Variants in KIAA2012 observed in about 807,000 individuals in gnomAD.
KIAA2012 encodes the protein uncharacterized protein KIAA2012.
In KIAA2012, 125 loss-of-function variants were observed where a neutral mutation model predicts 150.6. The observed-to-expected ratio is 0.83, with a 90% CI of 0.72 to 0.96. The LOEUF is 0.96. Among genes scored for constraint, KIAA2012 ranks in the 40% least tolerant of loss-of-function variants. KIAA2012 has a pLI of 0.00. For missense variants in KIAA2012, 1,219 were observed against 1,354.9 expected (o/e 0.90, Z 1.57); for synonymous variants, 462 against 504.7 (o/e 0.92, Z 1.13).
chr2:202,082,119 T>C (rs1001735122), intron 2 of KIAA2012, among the ~76,000 whole-genome samples: 10 of 152,238 alleles, frequency 6.6e-5, no homozygotes, highest in African/African-American at 2.4e-4. Context: ...TTGTATATCT[T>C]TTCTAAAGAA....
intron 15 of KIAA2012, among the ~76,000 whole-genome samples, chr2:202,182,525 T>C (rs1331037654): frequency 1.3e-5 from 2 of 152,222 alleles, no homozygotes; most frequent in Admixed American, 1.3e-4. Context: ...AGTTGTATTG[T>C]ATTGTATATA....
At chr2:202,140,450 G>A (rs556178647) in intron 13 of KIAA2012, among the ~76,000 whole-genome samples, 5 of 152,160 alleles carry the variant, frequency 3.3e-5, no homozygotes, top group African/African-American at 9.6e-5. Flanking sequence ...TGTCCAAGTC[G>A]CAGTAGTCCC....
intron 13 of KIAA2012, among the ~76,000 whole-genome samples, chr2:202,150,448 G>GT (rs1691400910): frequency 1.4e-5 from 2 of 138,624 alleles, no homozygotes; most frequent in African/African-American, 4.9e-5. Context: ...TTTGTTTTTT[G>GT]TTTTTTGTGT....
intron 12 of KIAA2012, among the ~76,000 whole-genome samples, chr2:202,128,939 A>G (rs960171926): frequency 6.6e-6 from 1 of 152,040 alleles, no homozygotes; most frequent in Non-Finnish European, 1.5e-5. Context: ...ACTACTTTGA[A>G]AGTATCTGGG....
intron 13 of KIAA2012, among the ~76,000 whole-genome samples, chr2:202,153,524 A>G (rs1691469150): frequency 1.3e-5 from 2 of 152,242 alleles, no homozygotes; most frequent in South Asian, 4.1e-4. Context: ...TTCCCTCACC[A>G]TCTTCAGAGC....
At chr2:202,109,810 T>C (rs1356476941) in intron 10 of KIAA2012, 21 bp downstream of exon 10, 2 of 1,512,876 alleles carry the variant, frequency 1.3e-6, no homozygotes, top group African/African-American at 1.4e-5. Context: ...CCAGAGTGCA[T>C]AGACGCCCCC....
At chr2:202,197,709 A>T (rs1203937059) in intron 22 of KIAA2012, 1 of 152,050 alleles carries the variant, frequency 6.6e-6, no homozygotes, top group East Asian at 1.9e-4. Flanking sequence ...AAAAAAAATC[A>T]AAAAATTAGC....
intron 13 of KIAA2012, among the ~76,000 whole-genome samples, chr2:202,143,866 A>T (rs1346730671): frequency 6.6e-6 from 1 of 152,158 alleles, no homozygotes; most frequent in Non-Finnish European, 1.5e-5. Context: ...TTTGGGGGAC[A>T]ATGAATTCAT....
intron 15 of KIAA2012, among the ~76,000 whole-genome samples, chr2:202,172,184 T>C (rs1691907627): frequency 6.6e-6 from 1 of 152,266 alleles, no homozygotes; most frequent in Non-Finnish European, 1.5e-5. Flanking sequence ...TTTGAGCTTA[T>C]TTTATCCTCA....
At chr2:202,204,076 GT>G (rs143485165) in intron 23 of KIAA2012, among the ~76,000 whole-genome samples, 18,436 of 139,344 alleles carry the variant, frequency 0.13, 1,353 homozygotes, top group Non-Finnish European at 0.16. Context: ...GCGGTTTTTT[GT>G]TTTTTTTTTT....
chr2:202,188,669 C>T (rs888565159), intron 18 of KIAA2012, among the ~76,000 whole-genome samples: 2 of 152,140 alleles, frequency 1.3e-5, no homozygotes, highest in Non-Finnish European at 2.9e-5. Context: ...GTAGATCAGA[C>T]AGTAAAGTGG....
intron 4 of KIAA2012, among the ~76,000 whole-genome samples, chr2:202,096,278 T>C (rs1001398902): frequency 2.6e-5 from 4 of 152,196 alleles, no homozygotes; most frequent in African/African-American, 9.7e-5. Flanking sequence ...GCACTCTGTA[T>C]GGAGTTGAGG....
intron 11 of KIAA2012, among the ~76,000 whole-genome samples, chr2:202,117,390 A>AC: frequency 6.6e-6 from 1 of 152,268 alleles, no homozygotes; most frequent in South Asian, 2.1e-4. Context: ...TGGTTGTGGG[A>AC]CCCCACGGGT....
intron 17 of KIAA2012, 54 bp from the exon 18 acceptor site, chr2:202,188,098 T>C: frequency 7.1e-7 from 1 of 1,413,608 alleles, no homozygotes; most frequent in East Asian, 2.5e-5. Context: ...CTTTGATGGA[T>C]TTTTTCATTT....
At chr2:202,170,997 C>T (rs1383648281) in intron 15 of KIAA2012, among the ~76,000 whole-genome samples, 5 of 152,148 alleles carry the variant, frequency 3.3e-5, no homozygotes, top group African/African-American at 1.2e-4. Flanking sequence ...TGAGGCTGAC[C>T]TCCCCAGGCT....
At chr2:202,090,976 C>T (rs1559199829) in intron 3 of KIAA2012, 47 bp downstream of exon 3, 1 of 1,505,604 alleles carries the variant, frequency 6.6e-7, no homozygotes, top group Non-Finnish European at 8.9e-7. Context: ...TGCCCCACCT[C>T]CCATTCTGGT....
chr2:202,143,657 C>T (rs1252388110), intron 13 of KIAA2012, among the ~76,000 whole-genome samples: 1 of 151,228 alleles, frequency 6.6e-6, no homozygotes, highest in African/African-American at 2.4e-5. Context: ...AAAATAATCT[C>T]GGACTCAGTG....
Position 202,103,105 on chromosome 2 carries a change from C to G in KIAA2012, c.1315C>G (p.His439Asp). The G allele has an allele frequency of 6.4e-7, 1 of 1,550,500 alleles. No homozygotes were observed. Among genetic ancestry groups the G allele is most frequent in the African/African-American group, 1.4e-5 (1 of 73,150 alleles). Residue 439 changes from histidine to aspartate, a missense_variant, in exon 8 of 24, where the codon CAC becomes GAC. His to Asp is a moderately conservative substitution (Grantham distance 81). Coordinates refer to ENST00000498697, the MANE Select transcript of KIAA2012 (RefSeq NM_001277372.4). ...HTKQPPKEKAHRRGAPHPESE... is the reference protein window; with the variant it reads ...HTKQPPKEKADRRGAPHPESE... ...CAAACAACCCCCAAAAGAGAAAGCC[C>G]ACAGAAGAGGTAGGTCCCGGGTGCA...
intron 22 of KIAA2012, chr2:202,201,472 G>C: frequency 1.3e-6 from 2 of 1,597,352 alleles, no homozygotes; most frequent in South Asian, 1.1e-5. Flanking sequence ...ATGACTGCAA[G>C]CTGAGCAGCA....
Sources: allele counts gnomAD v4.1 joint callset (sites outside exome capture counted in the v4.1 genomes callset), GRCh38; gene constraint gnomAD v4.1.1; transcripts MANE v1.5; gene names NCBI Gene and HGNC (gene_info 2026-07-23, HGNC 2026-07-21).